DRC8: variants seen among roughly 807,000 people sequenced by gnomAD.
DRC8 encodes dynein regulatory complex subunit 8, also known as dynein regulatory complex protein 8.
the DRC8 span, among the ~76,000 whole-genome samples, chr1:244,990,776 C>T: frequency 6.6e-6 from 1 of 151,902 alleles, no homozygotes; most frequent in Non-Finnish European, 1.5e-5. Flanking sequence ...GCTGGGACTA[C>T]AGGCATGAGC....
the DRC8 span, among the ~76,000 whole-genome samples, chr1:244,998,701 A>G: frequency 3.9e-5 from 6 of 152,222 alleles, no homozygotes; most frequent in Non-Finnish European, 8.8e-5. Context: ...CCAGCTTGGA[A>G]AATGGGCAGG....
chr1:245,024,235 T>C, the DRC8 span, among the ~76,000 whole-genome samples: 4 of 152,186 alleles, frequency 2.6e-5, no homozygotes, highest in Non-Finnish European at 5.9e-5. Flanking sequence ...TTAATCTCCT[T>C]ACTAATGGAC....
chr1:245,002,237 A>T, the DRC8 span: 4 of 1,600,064 alleles, frequency 2.5e-6, no homozygotes, highest in East Asian at 9.0e-5. Context: ...CACAGGGTAC[A>T]GTGCATTCAT....
At chr1:245,078,784 T>C in the DRC8 span, among the ~76,000 whole-genome samples, 1 of 152,150 alleles carries the variant, frequency 6.6e-6, no homozygotes, top group Non-Finnish European at 1.5e-5. Flanking sequence ...ATACTTGAAA[T>C]TTACTAAGAG....
chr1:245,020,676 A>G, the DRC8 span, among the ~76,000 whole-genome samples: 2 of 129,754 alleles, frequency 1.5e-5, no homozygotes, highest in African/African-American at 3.0e-5. Context: ...CTGGAGTGCA[A>G]TGGTGCAATC....
chr1:245,123,684 G>C, the DRC8 span: 6 of 152,482 alleles, frequency 3.9e-5, no homozygotes, highest in African/African-American at 1.4e-4. This position sits in a 1 kb window ranked among gnomAD's most constrained non-coding sequence, Gnocchi z 5.0. Context: ...TCAGAACCTG[G>C]GCTGCGTTTT....
At chr1:245,085,698 T>C in the DRC8 span, among the ~76,000 whole-genome samples, 1 of 152,114 alleles carries the variant, frequency 6.6e-6, no homozygotes, top group South Asian at 2.1e-4. Flanking sequence ...GTGTGAGTGA[T>C]TGTGAGAAGG....
At chr1:245,087,427 A>T in the DRC8 span, 303 of 1,507,528 alleles carry the variant, frequency 2.0e-4, 2 homozygotes, top group African/African-American at 4.0e-3. Flanking sequence ...TTAATTTCAC[A>T]TCTTATCTTA....
chr1:245,019,320 A>G, the DRC8 span, among the ~76,000 whole-genome samples: 1 of 152,100 alleles, frequency 6.6e-6, no homozygotes, highest in Non-Finnish European at 1.5e-5. Context: ...TTCCTGTGTT[A>G]ATTTGTATAT....
the DRC8 span, among the ~76,000 whole-genome samples, chr1:245,002,410 CT>C: frequency 6.6e-6 from 1 of 152,202 alleles, no homozygotes; most frequent in South Asian, 2.1e-4. Flanking sequence ...ATCCAAACTC[CT>C]TCAATGTGTC....
At chr1:245,065,509 T>A in the DRC8 span, among the ~76,000 whole-genome samples, 2 of 152,336 alleles carry the variant, frequency 1.3e-5, no homozygotes, top group African/African-American at 4.8e-5. Context: ...TGTTCTTTTT[T>A]AAATAGCATC....
chr1:245,100,229 AC>A, the DRC8 span, among the ~76,000 whole-genome samples: 1 of 152,032 alleles, frequency 6.6e-6, no homozygotes, highest in Non-Finnish European at 1.5e-5. Context: ...TACTAAAAAT[AC>A]AAAAATTAGC....
the DRC8 span, among the ~76,000 whole-genome samples, chr1:245,007,518 G>C: frequency 6.6e-6 from 1 of 152,208 alleles, no homozygotes; most frequent in African/African-American, 2.4e-5. Flanking sequence ...AAGTATTTAG[G>C]GATGAATTAT....
the DRC8 span, chr1:245,087,136 A>G: frequency 1.4e-6 from 2 of 1,476,324 alleles, no homozygotes; most frequent in Middle Eastern, 1.7e-4. Flanking sequence ...GAGCGTAACT[A>G]GTGGCACTGT....
chr1:245,059,566 TGAATGTGCTCAGTGG>T, the DRC8 span: 4 of 822,082 alleles, frequency 4.9e-6, no homozygotes, highest in Non-Finnish European at 3.9e-6. Flanking sequence ...CCCAAACTAC[TGAATGTGCTCAGTGG>T]AAATATTAGG....
chr1:245,080,076 A>C, the DRC8 span, among the ~76,000 whole-genome samples: 2 of 152,196 alleles, frequency 1.3e-5, no homozygotes, highest in South Asian at 4.1e-4. Flanking sequence ...ATCTAGTATA[A>C]ACATTAAAAA....
chr1:245,124,492 A>T, the DRC8 span: 2 of 152,180 alleles, frequency 1.3e-5, no homozygotes, highest in Non-Finnish European at 2.9e-5. Flanking sequence ...CTGGACAGAA[A>T]TATAGTTGTA....
the DRC8 span, among the ~76,000 whole-genome samples, chr1:244,992,061 T>C: frequency 6.6e-6 from 1 of 152,248 alleles, no homozygotes; most frequent in Admixed American, 6.5e-5. Context: ...CAAACGCAGT[T>C]GACAGACATC....
At chr1:245,121,346 A>T in the DRC8 span, among the ~76,000 whole-genome samples, 1 of 152,250 alleles carries the variant, frequency 6.6e-6, no homozygotes, top group Admixed American at 6.5e-5. Context: ...GTCCAAAAGC[A>T]GACATAGCTT....
Sources: allele counts gnomAD v4.1 joint callset (sites outside exome capture counted in the v4.1 genomes callset), GRCh38; gene constraint gnomAD v4.1.1; non-coding constraint Gnocchi (gnomAD v3.1); transcripts MANE v1.5; gene names NCBI Gene and HGNC (gene_info 2026-07-23, HGNC 2026-07-21).